The following ADCY2 variants were observed in gnomAD, a reference collection of about 807,000 sequenced individuals.
ADCY2 encodes adenylate cyclase 2.
Under a neutral mutation model 125.2 loss-of-function variants are expected in ADCY2, and 31 were observed. The observed-to-expected ratio is 0.25, with a 90% CI of 0.19 to 0.33. The LOEUF (loss-of-function observed/expected upper bound fraction) is 0.33. ADCY2 is among the 10% of genes least tolerant of loss of function. The probability of loss-of-function intolerance (pLI) is 1.00; values close to 1 mark genes in which losing one functional copy is unlikely to be tolerated. For synonymous variants in ADCY2, 512 were observed against 548.4 expected (o/e 0.93, Z 0.93); for missense variants, 904 against 1,418.2 (o/e 0.64, Z 5.82).
chr5:7,481,558 C>T (rs370545103), intron 2 of ADCY2, among the ~76,000 whole-genome samples: 8 of 152,274 alleles, frequency 5.3e-5, no homozygotes, highest in Admixed American at 1.3e-4. Context: ...TGAGCCACCA[C>T]GCCTGGCCTA....
chr5:7,536,901 GT>G (rs1406261785), intron 3 of ADCY2, among the ~76,000 whole-genome samples: 2 of 152,080 alleles, frequency 1.3e-5, no homozygotes, highest in Admixed American at 6.6e-5. Context: ...TGCAGGAATA[GT>G]TTTTTTCTTA....
chr5:7,524,260 A>C (rs1031684044), intron 3 of ADCY2, among the ~76,000 whole-genome samples: 1 of 152,246 alleles, frequency 6.6e-6, no homozygotes, highest in South Asian at 2.1e-4. Flanking sequence ...CTTACCAATA[A>C]GTTGCAAATA....
intron 1 of ADCY2, among the ~76,000 whole-genome samples, chr5:7,413,597 C>T (rs79641538): frequency 2.1e-5 from 3 of 140,626 alleles, no homozygotes; most frequent in Admixed American, 2.0e-4. Context: ...CGCACCCGGC[C>T]GGTTTTTTTT....
At position 7,784,398 on chromosome 5, in the gene ADCY2, C is replaced by G; in HGVS notation, c.2418C>G (p.Gly806=). The change falls in exon 19 of 25, where the codon GGC becomes GGG. Residue 806 remains glycine, a synonymous_variant. Transcript: ENST00000338316. ...TTTGGAAAGACCTGAAGACCATGGG[C>G]TCTGTGTCTCTCTCTATATTCTTCA... ...PGIWKDLKTM[G]SVSLSIFFIT... is the part of the protein sequence containing the mutation. 6.2e-7 allele frequency: 1 copy of G among 1,614,000 alleles called. No individual in the cohort carries two copies. The highest frequency in any genetic ancestry group is 8.5e-7 in the Non-Finnish European group (1 of 1,179,954).
rs756775635 is a variant in ADCY2, at chr5:7,414,562, T to A, written c.211-11T>A. ...ATGGTAACTTTTCCATGTATTTTTT[T>A]ATCTCCTCAGGAAGTTGAAGACCAT... is the stretch of plus-strand genomic sequence containing the variant. On this transcript the variant is annotated splice_polypyrimidine_tract_variant and intron_variant, in intron 1 of 24. Coordinates refer to ENST00000338316, the MANE Select transcript of ADCY2 (RefSeq NM_020546.3). 8 of 1,594,104 alleles carry A rather than the reference T, an allele frequency of 5.0e-6. No individual in the cohort carries two copies. The highest frequency in any genetic ancestry group is 2.7e-5 in the African/African-American group (2 of 73,904).
rs1272949604 is a variant in ADCY2, at chr5:7,724,114, C to CAAAAAAAAAAAAAAAA, written c.1704-422_1704-407dup. 5.2e-5 allele frequency among the ~76,000 whole-genome samples: 4 copies of CAAAAAAAAAAAAAAAA among 76,562 alleles called. 2 individuals carry two copies. The highest frequency in any genetic ancestry group is 9.0e-5 in the Non-Finnish European group (4 of 44,200). The allele number at this position is 76,562 out of a possible 152,430, so 50.2% of individuals were successfully genotyped here. A position where few individuals can be genotyped will look rare whatever the true frequency, so the allele number is the denominator to read the frequency against. On this transcript the variant is annotated intron_variant, in intron 12 of 24. Coordinates refer to ENST00000338316, the MANE Select transcript of ADCY2 (RefSeq NM_020546.3). ...TGATCTGTTGCCCTCTAGAAGCTAA[C>CAAAAAAAAAAAAAAAA]AAAAAAAAAAAAAAAAAAAAAAAAG... is the stretch of plus-strand genomic sequence containing the variant.
At chr5:7,486,618 G>A (rs148204561) in intron 2 of ADCY2, among the ~76,000 whole-genome samples, 148 of 152,216 alleles carry the variant, frequency 9.7e-4, no homozygotes, top group African/African-American at 3.5e-3. Flanking sequence ...AGGAAATGGG[G>A]TAGGGTGCCT....
chr5:7,618,479 A>T (rs17828481), intron 3 of ADCY2, among the ~76,000 whole-genome samples: 4 of 152,140 alleles, frequency 2.6e-5, no homozygotes, highest in Admixed American at 1.3e-4. Context: ...GGAATACTCC[A>T]CATGTTCACC....
rs373002855 is a variant in ADCY2 at position 7,397,757 on chromosome 5, C to G, written c.210+1251C>G. 1.6e-4 allele frequency among the ~76,000 whole-genome samples: 24 copies of G among 152,130 alleles called. No homozygotes were observed. In the East Asian group the frequency reaches 1.9e-3, roughly 12 times the overall value. On this transcript the variant is annotated intron_variant, in intron 1 of 24. Coordinates refer to ENST00000338316, the MANE Select transcript of ADCY2 (RefSeq NM_020546.3). ...ATGGTAGCTGTCTACTGATTGAGTT[C>G]AATGAGGTAAGAATAGAAATAGAAT...
At chr5:7,817,038 T>A in intron 23 of ADCY2, 58 bp downstream of exon 23, 1 of 1,322,066 alleles carries the variant, frequency 7.6e-7, no homozygotes, top group Non-Finnish European at 1.1e-6. Flanking sequence ...GAATAAGGAG[T>A]AAGTCAGGAG....
rs868038035 is a variant in ADCY2 at position 7,761,138 on chromosome 5, C to T, written c.2094+3552C>T. 2.4e-3 allele frequency among the ~76,000 whole-genome samples: 174 copies of T among 71,630 alleles called. 24 individuals are homozygous for T. The highest frequency in any genetic ancestry group is 9.4e-3 in the African/African-American group (162 of 17,300). 47.0% of individuals were successfully genotyped at this position (71,630 alleles called of 152,430 possible). On this transcript the variant is annotated intron_variant, in intron 16 of 24. Coordinates refer to ENST00000338316, the MANE Select transcript of ADCY2 (RefSeq NM_020546.3). ...ATGTGTGTGTATCAAAATTTCTTTT[C>T]TTTTCTTTTCTTTTTTTTTTTTTTT...
At chr5:7,518,038 T>C (rs945092103) in intron 2 of ADCY2, among the ~76,000 whole-genome samples, 4 of 152,228 alleles carry the variant, frequency 2.6e-5, no homozygotes, top group African/African-American at 9.6e-5. Flanking sequence ...GAACATACTT[T>C]CTGTAAATTG....
intron 2 of ADCY2, among the ~76,000 whole-genome samples, chr5:7,511,844 A>G (rs1261809254): frequency 2.0e-5 from 3 of 151,900 alleles, no homozygotes; most frequent in Non-Finnish European, 4.4e-5. Context: ...AGGATGGGAG[A>G]CTGGAGATAG....
At chr5:7,452,869 T>G (rs1355577530) in intron 2 of ADCY2, among the ~76,000 whole-genome samples, 1 of 152,248 alleles carries the variant, frequency 6.6e-6, no homozygotes, top group African/African-American at 2.4e-5. Context: ...GAACATTTTT[T>G]TCATATGTTT....
At chr5:7,503,581 T>TG (rs1743679719) in intron 2 of ADCY2, among the ~76,000 whole-genome samples, 1 of 152,134 alleles carries the variant, frequency 6.6e-6, no homozygotes, top group African/African-American at 2.4e-5. Context: ...CGCCTGCCGT[T>TG]GGGGGGATCT....
rs182559291 is a variant in ADCY2, at chr5:7,507,033, C to T, written c.409-13705C>T. Reference sequence around the variant, plus strand: ...CGATCTCCTGACCTCGTGATCCACCCGCCTTGTTCTTGACTGATGTCTACA... The same window carrying T: ...CGATCTCCTGACCTCGTGATCCACCTGCCTTGTTCTTGACTGATGTCTACA... On this transcript the variant is annotated intron_variant, in intron 2 of 24. Coordinates refer to ENST00000338316, the MANE Select transcript of ADCY2 (RefSeq NM_020546.3). 5.9e-3 allele frequency among the ~76,000 whole-genome samples: 883 copies of T among 150,406 alleles called. 45 individuals are homozygous for T. The highest frequency in any genetic ancestry group is 0.049 in the Admixed American group (747 of 15,098).
At chr5:7,598,403 A>T (rs1737080352) in intron 3 of ADCY2, among the ~76,000 whole-genome samples, 1 of 152,216 alleles carries the variant, frequency 6.6e-6, no homozygotes, top group African/African-American at 2.4e-5. Context: ...TCACTACTGT[A>T]CTTGACCTTG....
chr5:7,486,438 T>C (rs1742930461), intron 2 of ADCY2, among the ~76,000 whole-genome samples: 1 of 152,192 alleles, frequency 6.6e-6, no homozygotes, highest in Non-Finnish European at 1.5e-5. Flanking sequence ...TTAACATGAA[T>C]TTTAAGGGCA....
intron 4 of ADCY2, among the ~76,000 whole-genome samples, chr5:7,635,488 T>C (rs1469705671): frequency 6.6e-6 from 1 of 152,122 alleles, no homozygotes; most frequent in Non-Finnish European, 1.5e-5. Flanking sequence ...TGGATGATGG[T>C]TGGTGTGGCA....
Sources: gnomAD v4.1 joint callset for allele counts (sites outside exome capture counted in the v4.1 genomes callset) on GRCh38, gnomAD v4.1.1 for gene constraint, MANE v1.5 for transcripts, NCBI Gene and HGNC (gene_info 2026-07-23, HGNC 2026-07-21) for gene names.